GRM8: variants seen among roughly 807,000 people sequenced by gnomAD.
GRM8 encodes the protein metabotropic glutamate receptor 8.
A neutral mutation model predicts 87.2 loss-of-function variants in GRM8; 47 were observed. That is an observed-to-expected ratio of 0.54 (90% CI 0.43 to 0.69). GRM8 has a LOEUF of 0.69. GRM8 is among the 30% of genes least tolerant of loss of function. The probability of loss-of-function intolerance (pLI) is 0.00; values close to 1 mark genes in which losing one functional copy is unlikely to be tolerated. For missense variants in GRM8, 1,019 were observed against 1,139.2 expected (o/e 0.89, Z 1.52); for synonymous variants, 396 against 404.5 (o/e 0.98, Z 0.25).
intron 3 of GRM8, among the ~76,000 whole-genome samples, chr7:126,922,638 T>A (rs1011824852): frequency 5.9e-5 from 9 of 152,084 alleles, no homozygotes; most frequent in Middle Eastern, 3.4e-3. Context: ...GGTCATTAAG[T>A]GGAAGTGGGG....
chr7:127,151,914 C>T (rs777414205), intron 2 of GRM8, among the ~76,000 whole-genome samples: 5 of 151,964 alleles, frequency 3.3e-5, no homozygotes, highest in Non-Finnish European at 4.4e-5. Flanking sequence ...CATTCCAAAG[C>T]CTTTAATTCT....
chr7:127,162,398 G>A (rs1793173262), intron 2 of GRM8, among the ~76,000 whole-genome samples: 1 of 152,058 alleles, frequency 6.6e-6, no homozygotes. Context: ...CTATTTCTTG[G>A]TTCCTCTTTT....
chr7:126,884,773 C>T (rs2131024069), intron 6 of GRM8, among the ~76,000 whole-genome samples: 1 of 152,248 alleles, frequency 6.6e-6, no homozygotes, highest in African/African-American at 2.4e-5. Flanking sequence ...TCCTTATCTT[C>T]ATGGAGCTTA....
intron 3 of GRM8, among the ~76,000 whole-genome samples, chr7:127,091,591 C>A (rs1464130461): frequency 8.2e-6 from 1 of 121,900 alleles, no homozygotes; most frequent in African/African-American, 3.2e-5. Context: ...ACTCGTCATC[C>A]CCCCATCCCA....
chr7:126,687,528 C>T (rs1166446104), intron 7 of GRM8, among the ~76,000 whole-genome samples: 1 of 151,768 alleles, frequency 6.6e-6, no homozygotes, highest in Non-Finnish European at 1.5e-5. Flanking sequence ...CTAGCTTTAG[C>T]TATTATGCAC....
chr7:126,482,028 A>G (rs1316209792), intron 9 of GRM8, among the ~76,000 whole-genome samples: 1 of 152,086 alleles, frequency 6.6e-6, no homozygotes. Flanking sequence ...AAAGAAGATT[A>G]TGAATGGCTA....
chr7:126,744,370 G>A (rs1815385099), intron 7 of GRM8, among the ~76,000 whole-genome samples: 1 of 152,020 alleles, frequency 6.6e-6, no homozygotes, highest in Non-Finnish European at 1.5e-5. Flanking sequence ...TTCTGCCAAT[G>A]ATAAAATTTG....
intron 2 of GRM8, among the ~76,000 whole-genome samples, chr7:127,225,664 A>G (rs1442222285): frequency 6.7e-6 from 1 of 148,278 alleles, no homozygotes; most frequent in Non-Finnish European, 1.5e-5. Flanking sequence ...ATTTTATAAT[A>G]GATAGATTAT....
At chr7:126,554,654 A>G (rs574413268) in intron 8 of GRM8, among the ~76,000 whole-genome samples, 1 of 152,272 alleles carries the variant, frequency 6.6e-6, no homozygotes, top group South Asian at 2.1e-4. Context: ...AGCACATGGT[A>G]TATAACAAAA....
At chr7:126,852,996 G>A (rs1797354939) in intron 6 of GRM8, among the ~76,000 whole-genome samples, 2 of 152,116 alleles carry the variant, frequency 1.3e-5, no homozygotes, top group African/African-American at 4.8e-5. Flanking sequence ...CAGTAACTTT[G>A]CTAGCATCCG....
At chr7:126,690,701 G>A (rs1238916387) in intron 7 of GRM8, among the ~76,000 whole-genome samples, 1 of 152,146 alleles carries the variant, frequency 6.6e-6, no homozygotes, top group Non-Finnish European at 1.5e-5. Context: ...GGAAGAATGA[G>A]GTACGCAGAC....
intron 7 of GRM8, among the ~76,000 whole-genome samples, chr7:126,667,068 A>G (rs1344018094): frequency 2.0e-5 from 3 of 152,228 alleles, no homozygotes; most frequent in African/African-American, 7.2e-5. Context: ...AATAATGATA[A>G]TAATAACAGA....
In GRM8 at chr7:126,631,713, T is replaced by A. The variant is rs547076450; in HGVS notation, c.1358-22215A>T. The stretch of plus-strand genomic sequence containing the variant: ...GTAGACCAATATAACGAATAGAGAC[T>A]CAGAAATAAAACCACACATTTACAA... On this transcript the variant is annotated intron_variant, in intron 7 of 10. Coordinates refer to ENST00000339582, the MANE Select transcript of GRM8 (RefSeq NM_000845.3). Among the ~76,000 whole-genome samples, 7 of 151,998 alleles carry A rather than the reference T, an allele frequency of 4.6e-5. No individual in the cohort carries two copies. In the East Asian group the frequency reaches 1.4e-3, roughly 29 times the overall value.
intron 3 of GRM8, among the ~76,000 whole-genome samples, chr7:126,920,123 G>C (rs903845300): frequency 1.3e-5 from 2 of 152,084 alleles, no homozygotes; most frequent in African/African-American, 2.4e-5. Flanking sequence ...AGATCAGACT[G>C]ATCTCTCTCT....
rs1169347703 is a variant in GRM8 at position 126,947,208 on chromosome 7, C to A, written c.728-42525G>T. ...ACAACAAATTGTCCATTAACTTGTGCTGCATTTGGCAGGAAAGTCCAAGCC... is the reference window on the plus strand; with the variant it reads ...ACAACAAATTGTCCATTAACTTGTGATGCATTTGGCAGGAAAGTCCAAGCC... On this transcript the variant is annotated intron_variant, in intron 3 of 10. Coordinates refer to ENST00000339582, the MANE Select transcript of GRM8 (RefSeq NM_000845.3). Among the ~76,000 whole-genome samples the A allele has an allele frequency of 3.3e-5, 5 of 152,218 alleles. No individual in the cohort carries two copies. The East Asian group carries it at 9.6e-4, about 29-fold the overall frequency.
At chr7:126,951,201 A>G (rs1225594396) in intron 3 of GRM8, among the ~76,000 whole-genome samples, 3 of 152,156 alleles carry the variant, frequency 2.0e-5, no homozygotes, top group African/African-American at 7.2e-5. Flanking sequence ...AGTGATTATA[A>G]GAAAACACAT....
At chr7:126,673,129 T>C (rs755034865) in intron 7 of GRM8, among the ~76,000 whole-genome samples, 2 of 152,158 alleles carry the variant, frequency 1.3e-5, no homozygotes, top group African/African-American at 2.4e-5. Context: ...CCTCTTCCTA[T>C]GTGGAACCTG....
chr7:126,861,090 C>T (rs938650854), intron 6 of GRM8, among the ~76,000 whole-genome samples: 2 of 152,096 alleles, frequency 1.3e-5, no homozygotes, highest in African/African-American at 4.8e-5. Flanking sequence ...TATTCTCCTG[C>T]TGTTAGATCA....
Position 126,904,635 on chromosome 7 carries a change from G to T in GRM8, c.776C>A (p.Pro259His), listed in dbSNP as rs761264012. 1.9e-6 allele frequency: 3 copies of T among 1,613,590 alleles called. No individual in the cohort carries two copies. The highest frequency in any genetic ancestry group is 2.5e-6 in the Non-Finnish European group (3 of 1,179,556). ...TTTGATAATTTTTTCAAATTCTCCA[G>T]GTCTTGGTTCACGTGGGATTTTCTG... The part of the protein sequence containing the change: ...QSQKIPREPR[P>H]GEFEKIIKRL... Residue 259 changes from proline to histidine, a missense_variant, in exon 4 of 11, where the codon CCT becomes CAT. Pro to His is a moderately conservative substitution (Grantham distance 77). Transcript: ENST00000339582.
Sources: allele counts gnomAD v4.1 joint callset (sites outside exome capture counted in the v4.1 genomes callset), GRCh38; gene constraint gnomAD v4.1.1; transcripts MANE v1.5; gene names NCBI Gene and HGNC (gene_info 2026-07-23, HGNC 2026-07-21).